Variants in ABLIM1 observed in about 807,000 individuals in gnomAD.
The protein encoded by ABLIM1 is actin-binding LIM protein 1.
Under a neutral mutation model 107.0 loss-of-function variants are expected in ABLIM1, and 40 were observed. That is an observed-to-expected ratio of 0.37 (90% CI 0.29 to 0.49). The LOEUF is 0.49. Ranked by LOEUF, ABLIM1 falls within the 20% of genes least tolerant of loss-of-function variation. ABLIM1 has a pLI of 0.97. For missense variants in ABLIM1, 857 were observed against 1,008.5 expected (o/e 0.85, Z 2.04); for synonymous variants, 357 against 357.3 (o/e 1.00, Z 0.01).
At chr10:114,686,139 G>C (rs1213890678), upstream of ABLIM1, among the ~76,000 whole-genome samples, 1 of 152,156 alleles carries the variant, frequency 6.6e-6, no homozygotes, top group Non-Finnish European at 1.5e-5. Flanking sequence ...AAGCAATAAA[G>C]TGATTCTTTC....
chr10:114,718,141 AG>A (rs1555227746), intron 1 of ABLIM1, among the ~76,000 whole-genome samples: 1 of 63,686 alleles, frequency 1.6e-5, no homozygotes, highest in Non-Finnish European at 5.2e-5. Flanking sequence ...AAAGAAAGAA[AG>A]AAAGAGAAAA....
chr10:114,594,043 C>T (rs78801594), intron 2 of ABLIM1, among the ~76,000 whole-genome samples: 7,671 of 152,202 alleles, frequency 0.05, 223 homozygotes, highest in East Asian at 0.082. Context: ...GGTTAACCTG[C>T]CTTTTAATCA....
Position 114,731,144 on chromosome 10 carries a change from ATTGT to A in ABLIM1, c.-213+36913_-213+36916del, listed in dbSNP as rs199933667. On this transcript the variant is annotated intron_variant, in intron 1 of 15. Transcript: ENST00000651092. ...CATTTGTGTACAAGTTTTTGCATAG[ATTGT>A]TTGTTTGTTTGAGCTGGAGTCTCAC... Among the ~76,000 whole-genome samples the A allele has an allele frequency of 6.9e-3, 1,050 of 151,974 alleles. 15 individuals carry two copies. Among genetic ancestry groups the A allele is most frequent in the South Asian group, 0.021 (103 of 4,802 alleles).
chr10:114,686,053 C>A (rs185647272), upstream of ABLIM1, among the ~76,000 whole-genome samples: 6 of 152,154 alleles, frequency 3.9e-5, no homozygotes, highest in African/African-American at 1.4e-4. Flanking sequence ...TGGTTCCTTG[C>A]CTTTTACAAG....
intron 1 of ABLIM1, among the ~76,000 whole-genome samples, chr10:114,699,797 G>T (rs917227827): frequency 2.0e-5 from 3 of 152,074 alleles, no homozygotes; most frequent in African/African-American, 7.2e-5. Context: ...TTTATAAACA[G>T]TTATGTCTGC....
At chr10:114,668,482 A>G (rs1349474550) in intron 1 of ABLIM1, among the ~76,000 whole-genome samples, 1 of 152,162 alleles carries the variant, frequency 6.6e-6, no homozygotes, top group Non-Finnish European at 1.5e-5. Flanking sequence ...TAAGGGGGAA[A>G]TCAATCTTTC....
intron 6 of ABLIM1, among the ~76,000 whole-genome samples, chr10:114,516,085 A>C (rs2062765757): frequency 6.8e-6 from 1 of 146,552 alleles, no homozygotes; most frequent in African/African-American, 2.4e-5. Context: ...TGAGGTGAGC[A>C]GGTATCAATT....
chr10:114,690,917 A>G (rs1384309186), intron 1 of ABLIM1, among the ~76,000 whole-genome samples: 1 of 152,148 alleles, frequency 6.6e-6, no homozygotes, highest in East Asian at 1.9e-4. Context: ...CCTGACCTCA[A>G]CTGATCCTCC....
chr10:114,616,458 A>G (rs1401157187), intron 1 of ABLIM1, among the ~76,000 whole-genome samples: 2 of 152,200 alleles, frequency 1.3e-5, no homozygotes, highest in African/African-American at 2.4e-5. Flanking sequence ...TGCTTGCCCA[A>G]AGGATCTGGG....
At chr10:114,582,127 C>T (rs974110109) in intron 2 of ABLIM1, among the ~76,000 whole-genome samples, 1 of 152,098 alleles carries the variant, frequency 6.6e-6, no homozygotes, top group African/African-American at 2.4e-5. Context: ...CTAAAGACTC[C>T]ACCAAAAGGC....
chr10:114,784,300 C>T, the ABLIM1 span, among the ~76,000 whole-genome samples: 1,540 of 147,054 alleles, frequency 0.01, 16 homozygotes, highest in Non-Finnish European at 0.013. Context: ...GAGCCGAGAT[C>T]GTGCCACTGC....
At chr10:114,703,322 G>A (rs995545721) in intron 1 of ABLIM1, among the ~76,000 whole-genome samples, 1 of 152,108 alleles carries the variant, frequency 6.6e-6, no homozygotes, top group Non-Finnish European at 1.5e-5. Flanking sequence ...TTACTAGTCT[G>A]AATGCATCAC....
At chr10:114,535,233 T>A (rs547656678) in intron 6 of ABLIM1, among the ~76,000 whole-genome samples, 1 of 152,316 alleles carries the variant, frequency 6.6e-6, no homozygotes, top group East Asian at 1.9e-4. Context: ...CAAGGCCATG[T>A]CCTGTGCAGT....
At chr10:114,572,718 C>T (rs544467556) in intron 3 of ABLIM1, among the ~76,000 whole-genome samples, 40 of 152,334 alleles carry the variant, frequency 2.6e-4, no homozygotes, top group African/African-American at 9.1e-4. Flanking sequence ...AGTAGCCCTA[C>T]TGCTTCACAC....
chr10:114,650,172 C>A (rs1217420328), intron 1 of ABLIM1, among the ~76,000 whole-genome samples: 1 of 152,106 alleles, frequency 6.6e-6, no homozygotes, highest in Non-Finnish European at 1.5e-5. Flanking sequence ...AATCCATATT[C>A]CCTTTCTGTT....
chr10:114,451,545 A>G, intron 14 of ABLIM1, 79 bp downstream of exon 14: 1 of 1,349,838 alleles, frequency 7.4e-7, no homozygotes, highest in Non-Finnish European at 1.1e-6. Context: ...AGCAGCAGGA[A>G]AAGCCTTTCA....
chr10:114,484,997 A>G (rs1164135526), intron 8 of ABLIM1, among the ~76,000 whole-genome samples: 1 of 152,242 alleles, frequency 6.6e-6, no homozygotes, highest in Non-Finnish European at 1.5e-5. Context: ...GCCCAGCTCT[A>G]TACCTGGGTG....
At chr10:114,479,699 T>C (rs2057048019) in intron 8 of ABLIM1, among the ~76,000 whole-genome samples, 1 of 152,170 alleles carries the variant, frequency 6.6e-6, no homozygotes, top group South Asian at 2.1e-4. Flanking sequence ...TCAGAGTGTA[T>C]TTGCTCAACT....
intron 4 of ABLIM1, among the ~76,000 whole-genome samples, chr10:114,561,684 G>T (rs2069725310): frequency 6.6e-6 from 1 of 152,126 alleles, no homozygotes; most frequent in South Asian, 2.1e-4. Context: ...AAATTAAACT[G>T]GGAAATGACT....
Sources: gnomAD v4.1 joint callset for allele counts (sites outside exome capture counted in the v4.1 genomes callset) on GRCh38, gnomAD v4.1.1 for gene constraint, MANE v1.5 for transcripts, NCBI Gene and HGNC (gene_info 2026-07-23, HGNC 2026-07-21) for gene names.